The following PKHD1L1 variants were observed in gnomAD, a reference collection of about 807,000 sequenced individuals.
PKHD1L1 encodes fibrocystin-L.
In PKHD1L1, 434 loss-of-function variants were observed where a neutral mutation model predicts 462.9. That is an observed-to-expected ratio of 0.94 (90% CI 0.87 to 1.02). The LOEUF (loss-of-function observed/expected upper bound fraction) is 1.02, where lower values mean the gene tolerates loss of function less well. Among genes scored for constraint, PKHD1L1 ranks in the 50% least tolerant of loss-of-function variants. PKHD1L1 has a pLI of 0.00. For missense variants in PKHD1L1, 5,202 were observed against 5,096.1 expected, an observed-to-expected ratio of 1.02 and a Z score of -0.63; for synonymous variants, 1,781 against 1,750.0, an observed-to-expected ratio of 1.02 and a Z score of -0.44.
chr8:109,494,644 AC>A (rs1425706861), intron 63 of PKHD1L1, among the ~76,000 whole-genome samples: 1 of 152,018 alleles, frequency 6.6e-6, no homozygotes, highest in African/African-American at 2.4e-5. Flanking sequence ...TTTATATAAT[AC>A]TATTTTAGGT....
chr8:109,399,975 G>T (rs1468523143), intron 12 of PKHD1L1, 101 bp from the exon 13 acceptor site: 1 of 1,235,524 alleles, frequency 8.1e-7, no homozygotes, highest in African/African-American at 1.5e-5. Context: ...CTAAAAATAT[G>T]AATTGATATA....
Position 109,466,691 on chromosome 8 carries a change from A to G in PKHD1L1, c.8527A>G (p.Ser2843Gly). ...FPGSVCDASVSFHRLAFNQPS... is the reference protein window; with the variant it reads ...FPGSVCDASVGFHRLAFNQPS... ...TGGATCAGTCTGTGATGCTTCAGTC[A>G]GCTTTCACCGTTTAGCGTTCAACCA... Residue 2843 changes from serine to glycine, a missense_variant, in exon 50 of 78, where the codon AGC becomes GGC. By Grantham distance (56) the Ser-to-Gly change is moderately conservative. This residue lies in a region of PKHD1L1 where 4,497 missense variants were observed against 4,336.8 expected (regional missense o/e 1.04). Transcript: ENST00000378402. 1.2e-6 allele frequency: 2 copies of G among 1,612,822 alleles called. No homozygotes were observed. The highest frequency in any genetic ancestry group is 1.7e-6 in the Non-Finnish European group (2 of 1,179,460).
At chr8:109,460,937 A>G (rs1817088261) in intron 47 of PKHD1L1, among the ~76,000 whole-genome samples, 1 of 152,126 alleles carries the variant, frequency 6.6e-6, no homozygotes, top group South Asian at 2.1e-4. Flanking sequence ...TTTGGTCTCA[A>G]AGTGACAGGT....
At chr8:109,383,426 TA>T (rs1309028432) in intron 4 of PKHD1L1, among the ~76,000 whole-genome samples, 182 of 122,430 alleles carry the variant, frequency 1.5e-3, no homozygotes, top group African/African-American at 5.3e-3. Flanking sequence ...TTATATATAA[TA>T]TATAATATAT....
chr8:109,387,033 G>A (rs377285644), intron 6 of PKHD1L1, among the ~76,000 whole-genome samples: 80 of 152,240 alleles, frequency 5.3e-4, no homozygotes, highest in African/African-American at 1.9e-3. Flanking sequence ...GGGCAAGAAA[G>A]TCTTGGAGCT....
At chr8:109,466,428 C>G in intron 49 of PKHD1L1, 150 bp from the exon 50 acceptor site, 1 of 728,458 alleles carries the variant, frequency 1.4e-6, no homozygotes, top group Non-Finnish European at 2.1e-6. Context: ...ATGAGATCCT[C>G]TTGCTCCATG....
chr8:109,498,963 A>G (rs1477561261), intron 67 of PKHD1L1, 192 bp downstream of exon 67: 7 of 546,466 alleles, frequency 1.3e-5, no homozygotes, highest in East Asian at 1.2e-4. Context: ...CTTATACTGT[A>G]TGTTGAAGAA....
chr8:109,435,183 T>TC lies in PKHD1L1; in HGVS notation c.3341-6dup, dbSNP rs1586503901. 6.2e-7 allele frequency: 1 copy of TC among 1,611,436 alleles called. No homozygotes were observed. The highest frequency in any genetic ancestry group is 1.7e-5 in the Admixed American group (1 of 59,552). Reference sequence around the variant, plus strand: ...CATTTTCTTCATCTTTTTCTTTTTTTCACAAGAAAAAGAGCTCAAGTGCCA... The same window carrying TC: ...CATTTTCTTCATCTTTTTCTTTTTTTCCACAAGAAAAAGAGCTCAAGTGCCA... On this transcript the variant is annotated splice_polypyrimidine_tract_variant and splice_region_variant and intron_variant, in intron 28 of 77. Transcript: ENST00000378402.
chr8:109,477,107 A>G, intron 52 of PKHD1L1, 118 bp from the exon 53 acceptor site: 2 of 882,948 alleles, frequency 2.3e-6, no homozygotes, highest in South Asian at 1.5e-5. Context: ...TCTTCCATAC[A>G]TGTGAATTAT....
At chr8:109,503,318 A>AC (rs1159825485) in intron 67 of PKHD1L1, among the ~76,000 whole-genome samples, 1 of 151,976 alleles carries the variant, frequency 6.6e-6, no homozygotes, top group African/African-American at 2.4e-5. Flanking sequence ...AAACAAACAA[A>AC]AAAAAAACAG....
At chr8:109,493,950 T>C (rs1248055564) in intron 63 of PKHD1L1, among the ~76,000 whole-genome samples, 199 bp downstream of exon 63, 10 of 151,930 alleles carry the variant, frequency 6.6e-5, no homozygotes, top group African/African-American at 2.4e-4. Flanking sequence ...AAAACTTTAT[T>C]TTCCCAAGTT....
Position 109,445,414 on chromosome 8 carries a change from C to A in PKHD1L1, c.5545C>A (p.Leu1849Met), listed in dbSNP as rs200379443. The change falls in exon 38 of 78, where the codon CTG becomes ATG. Residue 1849 changes from leucine (L) to methionine (M), a missense_variant. This residue lies in a region of PKHD1L1 where 4,497 missense variants were observed against 4,336.8 expected (regional missense o/e 1.04). Coordinates refer to ENST00000378402, the MANE Select transcript of PKHD1L1 (RefSeq NM_177531.6). ...TSGSIGGGTT[L>M]VITGNGFYPG... is the part of the protein sequence containing the mutation. ...TGGAAGCATTGGTGGTGGAACTACA[C>A]TGGTGATCACAGGAAATGGCTTCTA... The A allele has an allele frequency of 2.0e-5, 33 of 1,613,856 alleles. No homozygotes were observed. Among genetic ancestry groups the A allele is most frequent in the Middle Eastern group, 3.3e-4 (2 of 6,084 alleles).
At chr8:109,397,523 GAAAAAAAAGA>G (rs1813041991) in intron 11 of PKHD1L1, among the ~76,000 whole-genome samples, 1 of 144,876 alleles carries the variant, frequency 6.9e-6, no homozygotes, top group South Asian at 2.4e-4. Flanking sequence ...AAAAAAGAAA[GAAAAAAAAGA>G]AAAAAAAATT....
chr8:109,469,928 G>A (rs1817637387), intron 50 of PKHD1L1, among the ~76,000 whole-genome samples: 1 of 152,116 alleles, frequency 6.6e-6, no homozygotes, highest in African/African-American at 2.4e-5. Context: ...ATCTAATGAA[G>A]TGATATTTTA....
chr8:109,514,258 C>T (rs531003707), intron 71 of PKHD1L1, among the ~76,000 whole-genome samples: 6 of 152,170 alleles, frequency 3.9e-5, no homozygotes, highest in African/African-American at 9.6e-5. Context: ...TCCAAGATCA[C>T]GCCTCCTTGC....
intron 11 of PKHD1L1, among the ~76,000 whole-genome samples, chr8:109,396,742 A>G (rs928649331): frequency 6.6e-6 from 1 of 152,180 alleles, no homozygotes; most frequent in African/African-American, 2.4e-5. Context: ...AAAGAGGTGA[A>G]TGTGATTGTG....
chr8:109,433,195 T>C lies in PKHD1L1; in HGVS notation c.3319T>C (p.Cys1107Arg). ...AVTVSVGPVG[C>R]SLLSVDEKEL... is the part of the protein sequence containing the mutation. The stretch of plus-strand genomic sequence containing the variant: ...AACAGTCTCAGTTGGACCAGTAGGT[T>C]GTTCTCTTCTTTCTGTGGATGGTAG... The change falls in exon 28 of 78, where the codon TGT becomes CGT. Residue 1107 changes from cysteine (C) to arginine (R), a missense_variant. Transcript: ENST00000378402. The C allele has an allele frequency of 6.2e-7, 1 of 1,612,620 alleles. No individual in the cohort carries two copies. The highest frequency in any genetic ancestry group is 8.5e-7 in the Non-Finnish European group (1 of 1,178,860).
Position 109,533,934 on chromosome 8 carries a change from G to T in PKHD1L1, c.*3844G>T, listed in dbSNP as rs1821096810. On this transcript the variant is annotated 3_prime_UTR_variant, in exon 78 of 78. Coordinates refer to ENST00000378402, the MANE Select transcript of PKHD1L1 (RefSeq NM_177531.6). ...CAGAGAGCTCAGCTGAAAGGAGTTT[G>T]GGTTCCTGACATTGTGGTGCCCTAT... Among the ~76,000 whole-genome samples the T allele has an allele frequency of 6.6e-6, 1 of 152,180 alleles. No individual in the cohort carries two copies. The highest frequency in any genetic ancestry group is 2.4e-5 in the African/African-American group (1 of 41,438).
chr8:109,378,477 C>A (rs1174540409), intron 2 of PKHD1L1, among the ~76,000 whole-genome samples: 1 of 152,220 alleles, frequency 6.6e-6, no homozygotes, highest in Non-Finnish European at 1.5e-5. Flanking sequence ...CACCACAGGG[C>A]CTTGGCACAT....
Sources: allele counts gnomAD v4.1 joint callset (sites outside exome capture counted in the v4.1 genomes callset), GRCh38; gene constraint gnomAD v4.1.1; regional missense constraint gnomAD v4.1.1; transcripts MANE v1.5; gene names NCBI Gene and HGNC (gene_info 2026-07-23, HGNC 2026-07-21).